Variants in SPATS2L observed in about 807,000 individuals in gnomAD.
The protein encoded by SPATS2L is SPATS2-like protein.
SPATS2L carries 30 observed loss-of-function variants against 59.6 expected under a neutral mutation model. The observed-to-expected ratio is 0.50, with a 90% CI of 0.38 to 0.68. SPATS2L has a LOEUF of 0.68. Ranked by LOEUF, SPATS2L falls within the 30% of genes least tolerant of loss-of-function variation. SPATS2L has a pLI of 0.00. For synonymous variants in SPATS2L, 252 were observed against 263.5 expected (o/e 0.96, Z 0.42); for missense variants, 615 against 700.0 (o/e 0.88, Z 1.37).
At chr2:200,457,675 A>G (rs2085945318) in intron 8 of SPATS2L, among the ~76,000 whole-genome samples, 1 of 152,260 alleles carries the variant, frequency 6.6e-6, no homozygotes, top group Non-Finnish European at 1.5e-5. Flanking sequence ...CTTAGAGCCC[A>G]GTTCTGGAGA....
At chr2:200,426,152 G>A (rs55913359) in intron 6 of SPATS2L, among the ~76,000 whole-genome samples, 1 of 136,628 alleles carries the variant, frequency 7.3e-6, no homozygotes, top group Non-Finnish European at 1.5e-5. Flanking sequence ...GTGCAGTGGC[G>A]CGATCTCAGC....
chr2:200,306,191 A>C (rs2079006581), upstream of SPATS2L: 1 of 1,001,474 alleles, frequency 1.0e-6, no homozygotes, highest in African/African-American at 1.7e-5. Context: ...CTTTGCTTAC[A>C]TTTTGAGCTT....
chr2:200,476,301 A>T (rs1236314146), intron 12 of SPATS2L, among the ~76,000 whole-genome samples: 1 of 152,214 alleles, frequency 6.6e-6, no homozygotes, highest in African/African-American at 2.4e-5. Context: ...TTATTTCTGC[A>T]TGCCACCAAG....
chr2:200,353,898 T>C (rs1371288571), intron 2 of SPATS2L, among the ~76,000 whole-genome samples: 1 of 152,202 alleles, frequency 6.6e-6, no homozygotes, highest in Non-Finnish European at 1.5e-5. Flanking sequence ...AATAGCAAAG[T>C]GGGCCTTCAG....
intron 2 of SPATS2L, among the ~76,000 whole-genome samples, chr2:200,331,370 A>C (rs905122033): frequency 1.3e-5 from 2 of 152,244 alleles, no homozygotes; most frequent in African/African-American, 4.8e-5. Context: ...TCCCAGAATT[A>C]GAGAGTTGCT....
chr2:200,404,703 T>C (rs964070401), intron 3 of SPATS2L, among the ~76,000 whole-genome samples: 2 of 152,284 alleles, frequency 1.3e-5, no homozygotes, highest in South Asian at 4.1e-4. Context: ...ACAACACACA[T>C]TGATTATCTT....
chr2:200,336,496 A>C (rs935452896), intron 2 of SPATS2L, among the ~76,000 whole-genome samples: 1 of 152,242 alleles, frequency 6.6e-6, no homozygotes, highest in African/African-American at 2.4e-5. Flanking sequence ...CTCATAGTTA[A>C]AATGTGTGGA....
chr2:200,355,684 C>T (rs972293409), intron 2 of SPATS2L, among the ~76,000 whole-genome samples: 1 of 152,242 alleles, frequency 6.6e-6, no homozygotes, highest in Non-Finnish European at 1.5e-5. Context: ...CCGTATTCCA[C>T]TGTGTATACA....
chr2:200,393,911 G>A (rs2082247880), intron 3 of SPATS2L, among the ~76,000 whole-genome samples: 1 of 152,164 alleles, frequency 6.6e-6, no homozygotes, highest in African/African-American at 2.4e-5. Context: ...AGAAGTGTTG[G>A]AATCCAATGA....
chr2:200,467,497 A>C, intron 10 of SPATS2L, 98 bp downstream of exon 10: 1 of 794,874 alleles, frequency 1.3e-6, no homozygotes, highest in South Asian at 1.6e-5. Flanking sequence ...TGAGGATCTA[A>C]CATGTACACC....
chr2:200,328,563 G>A (rs760654578), intron 1 of SPATS2L, among the ~76,000 whole-genome samples: 10 of 152,254 alleles, frequency 6.6e-5, no homozygotes, highest in Non-Finnish European at 7.4e-5. Flanking sequence ...ACAGCATCTC[G>A]TGTCCTGAGG....
chr2:200,319,490 CA>C (rs761422736), intron 1 of SPATS2L, among the ~76,000 whole-genome samples: 5 of 150,072 alleles, frequency 3.3e-5, no homozygotes, highest in African/African-American at 4.9e-5. Flanking sequence ...GCTTGAACCC[CA>C]AAGGTGGAGG....
chr2:200,309,675 CT>C (rs1420282831), intron 1 of SPATS2L, among the ~76,000 whole-genome samples: 1 of 152,134 alleles, frequency 6.6e-6, no homozygotes, highest in African/African-American at 2.4e-5. Context: ...ACTGTTTTGC[CT>C]TAAAGTGTAA....
At chr2:200,321,646 CAAAG>C (rs2079562803) in intron 1 of SPATS2L, among the ~76,000 whole-genome samples, 1 of 152,144 alleles carries the variant, frequency 6.6e-6, no homozygotes, top group Admixed American at 6.5e-5. Flanking sequence ...ATTGTGATCA[CAAAG>C]AACACCACAG....
intron 4 of SPATS2L, 150 bp downstream of exon 4, chr2:200,412,569 G>A: frequency 2.6e-6 from 1 of 391,744 alleles, no homozygotes; most frequent in East Asian, 3.9e-5. Flanking sequence ...TTGCGCTACT[G>A]CACTCTAGCC....
rs571775100 is a variant in SPATS2L at position 200,399,306 on chromosome 2, G to A, written c.39+10023G>A. Among the ~76,000 whole-genome samples, 4 of 152,198 alleles carry A rather than the reference G, an allele frequency of 2.6e-5. No homozygotes were observed. In the East Asian group the frequency reaches 5.8e-4, roughly 22 times the overall value. On this transcript the variant is annotated intron_variant, in intron 3 of 12. Coordinates refer to ENST00000409140, the MANE Select transcript of SPATS2L (RefSeq NM_001100423.2). Reference sequence around the variant, plus strand: ...GACTATTTTACATGCTTCATATGAGGGGAGTCGTGTAGTATTTGTCCTGTG... The same window carrying A: ...GACTATTTTACATGCTTCATATGAGAGGAGTCGTGTAGTATTTGTCCTGTG...
chr2:200,430,078 T>TG (rs2083817742), intron 6 of SPATS2L, among the ~76,000 whole-genome samples: 1 of 152,192 alleles, frequency 6.6e-6, no homozygotes, highest in African/African-American at 2.4e-5. Context: ...ACACCACAGT[T>TG]GCAATCTTTC....
At chr2:200,393,649 C>T (rs765538890) in intron 3 of SPATS2L, among the ~76,000 whole-genome samples, 2 of 152,056 alleles carry the variant, frequency 1.3e-5, no homozygotes, top group African/African-American at 2.4e-5. Flanking sequence ...AAATTCTGAA[C>T]GTTTATAATT....
chr2:200,329,547 C>G (rs1474864389), intron 2 of SPATS2L, 67 bp downstream of exon 2: 2 of 1,387,998 alleles, frequency 1.4e-6, no homozygotes, highest in Non-Finnish European at 2.0e-6. Flanking sequence ...GTCCCTACAC[C>G]TGCAGCTGCC....
Sources: allele counts gnomAD v4.1 joint callset (sites outside exome capture counted in the v4.1 genomes callset), GRCh38; gene constraint gnomAD v4.1.1; transcripts MANE v1.5; gene names NCBI Gene and HGNC (gene_info 2026-07-23, HGNC 2026-07-21).